Variants in FYN observed in about 807,000 individuals in gnomAD.
FYN encodes FYN proto-oncogene, Src family tyrosine kinase.
In FYN, 10 loss-of-function variants were observed where a neutral mutation model predicts 70.2. That is an observed-to-expected ratio of 0.14 (90% CI 0.09 to 0.24). The LOEUF (loss-of-function observed/expected upper bound fraction) is 0.24, where lower values mean the gene tolerates loss of function less well. Among genes scored for constraint, FYN ranks in the 10% least tolerant of loss-of-function variants. The probability of loss-of-function intolerance (pLI) is 1.00; values close to 1 mark genes in which losing one functional copy is unlikely to be tolerated. For synonymous variants in FYN, 236 were observed against 248.6 expected, an observed-to-expected ratio of 0.95 and a Z score of 0.48; for missense variants, 319 against 673.1, an observed-to-expected ratio of 0.47 and a Z score of 5.82.
chr6:111,837,503 C>T (rs1344534189), intron 2 of FYN, among the ~76,000 whole-genome samples: 1 of 152,176 alleles, frequency 6.6e-6, no homozygotes, highest in Admixed American at 6.5e-5. Context: ...TCTTGCCATT[C>T]TTCTACCCTG....
At chr6:111,794,138 T>C (rs2128515948) in intron 2 of FYN, among the ~76,000 whole-genome samples, 1 of 152,318 alleles carries the variant, frequency 6.6e-6, no homozygotes, top group East Asian at 1.9e-4. Flanking sequence ...ACCCGGGCCT[T>C]TCTTTGGTCA....
At chr6:111,704,866 T>C (rs1361924782) in intron 6 of FYN, among the ~76,000 whole-genome samples, 1 of 151,062 alleles carries the variant, frequency 6.6e-6, no homozygotes, top group Non-Finnish European at 1.5e-5. Flanking sequence ...ATGGAGACAA[T>C]GCTGGCTATC....
chr6:111,684,634 T>C (rs1237892171), intron 12 of FYN, among the ~76,000 whole-genome samples: 1 of 152,058 alleles, frequency 6.6e-6, no homozygotes, highest in Non-Finnish European at 1.5e-5. Context: ...AGCCAGGAAG[T>C]GAAGGGAGGA....
chr6:111,824,952 ACTTC>A (rs1772786257), intron 2 of FYN, among the ~76,000 whole-genome samples: 8 of 152,218 alleles, frequency 5.3e-5, no homozygotes, highest in African/African-American at 1.9e-4. Context: ...AGTTTTCATT[ACTTC>A]TGAAAACTCC....
chr6:111,712,988 C>T (rs1158617587), intron 5 of FYN, among the ~76,000 whole-genome samples: 1 of 152,200 alleles, frequency 6.6e-6, no homozygotes, highest in East Asian at 1.9e-4. Flanking sequence ...TTGATACGTG[C>T]ACTTTTCTGC....
At chr6:111,673,619 ATTG>A (rs1474859479) in intron 13 of FYN, among the ~76,000 whole-genome samples, 19 of 65,006 alleles carry the variant, frequency 2.9e-4, no homozygotes, top group Non-Finnish European at 4.9e-4. Flanking sequence ...CGTTTCTATC[ATTG>A]TTTTTTTTTT....
chr6:111,668,927 T>C lies in FYN; in HGVS notation c.1405+5572A>G, dbSNP rs550962107. ...TGAAAAACCTGCTCCTGTTGTTATG[T>C]TGAACACAAAGGAAAATGTATCTAC... On this transcript the variant is annotated intron_variant, in intron 13 of 13. Coordinates refer to ENST00000354650, the MANE Select transcript of FYN (RefSeq NM_002037.5). 1.1e-4 allele frequency among the ~76,000 whole-genome samples: 16 copies of C among 152,276 alleles called. No homozygotes were observed. The South Asian group carries it at 1.9e-3, about 18-fold the overall frequency.
At chr6:111,720,087 C>T (rs369487999) in intron 3 of FYN, 25 bp from the exon 4 acceptor site, 100 of 1,558,660 alleles carry the variant, frequency 6.4e-5, no homozygotes, top group African/African-American at 1.5e-4. Flanking sequence ...AAAGGGGGCA[C>T]GTAAGCTGGG....
chr6:111,702,787 T>C, intron 8 of FYN, 98 bp downstream of exon 8: 1 of 1,195,564 alleles, frequency 8.4e-7, no homozygotes, highest in Non-Finnish European at 1.2e-6. Context: ...TAAGTGATTT[T>C]GTACATATTA....
At chr6:111,801,118 G>A (rs1389191443) in intron 2 of FYN, among the ~76,000 whole-genome samples, 1 of 152,186 alleles carries the variant, frequency 6.6e-6, no homozygotes, top group South Asian at 2.1e-4. Context: ...TTTAGCCACT[G>A]AGAGTCTAGT....
intron 13 of FYN, among the ~76,000 whole-genome samples, chr6:111,663,963 G>A (rs1797885594): frequency 1.3e-5 from 2 of 152,156 alleles, no homozygotes; most frequent in Non-Finnish European, 2.9e-5. Context: ...CATCCAACGA[G>A]CTCTGAACAC....
At chr6:111,701,250 T>A (rs1238584246) in intron 8 of FYN, among the ~76,000 whole-genome samples, 1 of 152,172 alleles carries the variant, frequency 6.6e-6, no homozygotes, top group African/African-American at 2.4e-5. Context: ...AAATGCCAAG[T>A]AAAAATCAGT....
At chr6:111,735,447 TC>T (rs1436961581) in intron 3 of FYN, among the ~76,000 whole-genome samples, 1 of 152,202 alleles carries the variant, frequency 6.6e-6, no homozygotes, top group African/African-American at 2.4e-5. Flanking sequence ...CTGGGTATTA[TC>T]ATCATCATCA....
At chr6:111,752,112 AATGTGGAG>A (rs1291307809) in intron 3 of FYN, among the ~76,000 whole-genome samples, 2 of 152,186 alleles carry the variant, frequency 1.3e-5, no homozygotes, top group Non-Finnish European at 2.9e-5. Context: ...CATGGAAGAG[AATGTGGAG>A]TGGTGCTAGA....
At chr6:111,825,788 T>A (rs1367552792) in intron 2 of FYN, among the ~76,000 whole-genome samples, 1 of 152,090 alleles carries the variant, frequency 6.6e-6, no homozygotes, top group African/African-American at 2.4e-5. Flanking sequence ...TTGTAAGGGC[T>A]GTAACGTGTG....
chr6:111,736,399 A>G (rs1366266412), intron 3 of FYN, among the ~76,000 whole-genome samples: 1 of 152,000 alleles, frequency 6.6e-6, no homozygotes, highest in Non-Finnish European at 1.5e-5. Flanking sequence ...GAGGATGTAA[A>G]CTCTTGCTCA....
At chr6:111,769,955 G>T (rs1011012026) in intron 3 of FYN, among the ~76,000 whole-genome samples, 1 of 152,136 alleles carries the variant, frequency 6.6e-6, no homozygotes, top group Non-Finnish European at 1.5e-5. Flanking sequence ...TAGCTGGAGA[G>T]GGGGAGAATG....
intron 1 of FYN, among the ~76,000 whole-genome samples, chr6:111,850,824 T>C (rs1489543879): frequency 6.6e-6 from 1 of 152,208 alleles, no homozygotes; most frequent in Non-Finnish European, 1.5e-5. Flanking sequence ...CAGTCTCCTG[T>C]GTGCCCAACA....
chr6:111,711,564 G>GTGTATGT lies in FYN; in HGVS notation c.344+2776_344+2782dup, dbSNP rs369846238. ...TACATACATACATGCACATCCCACGGTGTATGTTGTACTTTAACAAAGCCA... is the reference window on the plus strand; with the variant it reads ...TACATACATACATGCACATCCCACGGTGTATGTTGTATGTTGTACTTTAACAAAGCCA... On this transcript the variant is annotated intron_variant, in intron 5 of 13. Coordinates refer to ENST00000354650, the MANE Select transcript of FYN (RefSeq NM_002037.5). Among the ~76,000 whole-genome samples the GTGTATGT allele has an allele frequency of 5.1e-3, 779 of 152,322 alleles. 5 individuals are homozygous for GTGTATGT. Among genetic ancestry groups the GTGTATGT allele is most frequent in the African/African-American group, 0.018 (746 of 41,576 alleles).
Sources: gnomAD v4.1 joint callset for allele counts (sites outside exome capture counted in the v4.1 genomes callset) on GRCh38, gnomAD v4.1.1 for gene constraint, MANE v1.5 for transcripts, NCBI Gene and HGNC (gene_info 2026-07-23, HGNC 2026-07-21) for gene names.